Variants in CCSER1 observed in about 807,000 individuals in gnomAD.
CCSER1 encodes coiled-coil serine rich protein 1.
In CCSER1, 41 loss-of-function variants were observed where a neutral mutation model predicts 82.0. The ratio of observed to expected loss-of-function variants is 0.50; its 90% CI spans 0.39 to 0.65. CCSER1 has a LOEUF of 0.65. Ranked by LOEUF, CCSER1 falls within the 30% of genes least tolerant of loss-of-function variation. The probability of loss-of-function intolerance (pLI) is 0.00; values close to 1 mark genes in which losing one functional copy is unlikely to be tolerated. For missense variants in CCSER1, 1,119 were observed against 1,064.2 expected (o/e 1.05, Z -0.72); for synonymous variants, 414 against 383.9 (o/e 1.08, Z -0.92).
chr4:90,577,178 G>A (rs751361571), intron 5 of CCSER1, among the ~76,000 whole-genome samples: 22 of 152,062 alleles, frequency 1.4e-4, no homozygotes, highest in Non-Finnish European at 2.6e-4. Context: ...TTTTGTTGAC[G>A]TATCTGTTTA....
At chr4:91,479,412 ATAATAT>A (rs1486987889) in intron 10 of CCSER1, among the ~76,000 whole-genome samples, 2 of 151,820 alleles carry the variant, frequency 1.3e-5, no homozygotes. Flanking sequence ...CATTTTGAAA[ATAATAT>A]TAATGAAAAA....
chr4:91,514,025 C>A (rs993602943), intron 10 of CCSER1, among the ~76,000 whole-genome samples: 1 of 151,808 alleles, frequency 6.6e-6, no homozygotes, highest in Non-Finnish European at 1.5e-5. Context: ...TCTTGTTTTT[C>A]CATTTCCTCT....
At chr4:91,222,459 A>G (rs1037715625) in intron 10 of CCSER1, among the ~76,000 whole-genome samples, 12 of 152,206 alleles carry the variant, frequency 7.9e-5, no homozygotes, top group African/African-American at 2.7e-4. Flanking sequence ...TTAGTATTCT[A>G]TAAGAACTTA....
intron 6 of CCSER1, among the ~76,000 whole-genome samples, chr4:90,702,069 C>T (rs538677228): frequency 4.1e-4 from 63 of 152,114 alleles, no homozygotes; most frequent in Non-Finnish European, 7.2e-4. Flanking sequence ...AAAGGGAATG[C>T]TTCCAGTTTT....
intron 10 of CCSER1, among the ~76,000 whole-genome samples, chr4:91,150,497 C>A (rs916297322): frequency 3.3e-5 from 5 of 152,132 alleles, no homozygotes; most frequent in Non-Finnish European, 7.3e-5. Context: ...ATTGCCCTGG[C>A]TAGAACATCC....
At chr4:91,132,305 CA>C (rs753310978) in intron 10 of CCSER1, among the ~76,000 whole-genome samples, 5 of 152,000 alleles carry the variant, frequency 3.3e-5, no homozygotes, top group Non-Finnish European at 5.9e-5. Context: ...AAAACCCATA[CA>C]AGTATAAGAT....
At chr4:90,850,162 G>A (rs115451640) in intron 8 of CCSER1, among the ~76,000 whole-genome samples, 8,318 of 152,282 alleles carry the variant, frequency 0.055, 310 homozygotes, top group Middle Eastern at 0.088. Flanking sequence ...GGGTGTACAG[G>A]AGTCAAGAAT....
chr4:90,964,440 G>C (rs1419394605), intron 9 of CCSER1, among the ~76,000 whole-genome samples: 1 of 151,950 alleles, frequency 6.6e-6, no homozygotes, highest in Non-Finnish European at 1.5e-5. Context: ...AAAGCAACAA[G>C]GATAGGCCAG....
At chr4:91,302,290 G>A (rs1185780086) in intron 10 of CCSER1, among the ~76,000 whole-genome samples, 1 of 151,980 alleles carries the variant, frequency 6.6e-6, no homozygotes, top group Non-Finnish European at 1.5e-5. Context: ...TTCACGCCAA[G>A]AGATCTAGGA....
In CCSER1 at chr4:91,552,872, T is replaced by C. The variant is rs1029298469; in HGVS notation, c.2218-45700T>C. 6.5e-4 allele frequency among the ~76,000 whole-genome samples: 99 copies of C among 151,662 alleles called. 2 individuals are homozygous for C. Among genetic ancestry groups the C allele is most frequent in the Admixed American group, 5.3e-4 (8 of 15,194 alleles). ...TATTTGGAGGTCTTTAATTTCTTTT[T>C]CTTGCTTAATTGCTCTACATAGGAT... On this transcript the variant is annotated intron_variant, in intron 10 of 10. Transcript: ENST00000509176.
chr4:91,394,239 GGTA>G, intron 10 of CCSER1, among the ~76,000 whole-genome samples: 1 of 151,982 alleles, frequency 6.6e-6, no homozygotes, highest in Admixed American at 6.6e-5. Context: ...AAATTGAAAA[GGTA>G]GTAAAAAATT....
At chr4:90,671,228 G>A (rs1364116351) in intron 6 of CCSER1, among the ~76,000 whole-genome samples, 3 of 151,926 alleles carry the variant, frequency 2.0e-5, no homozygotes, top group Admixed American at 2.0e-4. Context: ...GGATAATGAA[G>A]TGTGCCACAT....
At chr4:90,652,184 G>A (rs1728878743) in intron 6 of CCSER1, among the ~76,000 whole-genome samples, 1 of 151,826 alleles carries the variant, frequency 6.6e-6, no homozygotes, top group Non-Finnish European at 1.5e-5. Flanking sequence ...TAAAATTGTA[G>A]GTGTATAAAC....
intron 7 of CCSER1, among the ~76,000 whole-genome samples, chr4:90,771,562 C>G (rs1433489465): frequency 2.1e-5 from 2 of 95,090 alleles, no homozygotes; most frequent in African/African-American, 1.1e-4. Context: ...AAATGCCGGG[C>G]ACTAAAAAAA....
chr4:91,043,860 T>A (rs1037442525), intron 9 of CCSER1, among the ~76,000 whole-genome samples: 1 of 152,168 alleles, frequency 6.6e-6, no homozygotes, highest in Non-Finnish European at 1.5e-5. Context: ...AGTGCTGGGA[T>A]GACAGTCGTG....
At chr4:91,093,164 G>C (rs546784875) in intron 10 of CCSER1, among the ~76,000 whole-genome samples, 1 of 152,298 alleles carries the variant, frequency 6.6e-6, no homozygotes, top group African/African-American at 2.4e-5. Context: ...CTGAGGCAAT[G>C]GTTTGGCTTC....
At chr4:90,856,667 C>T (rs1440487824) in intron 8 of CCSER1, among the ~76,000 whole-genome samples, 1 of 152,084 alleles carries the variant, frequency 6.6e-6, no homozygotes, top group Non-Finnish European at 1.5e-5. Flanking sequence ...CCATTTATAA[C>T]TCATAACTCA....
intron 10 of CCSER1, among the ~76,000 whole-genome samples, chr4:91,195,631 C>A (rs1180797488): frequency 6.6e-6 from 1 of 152,088 alleles, no homozygotes; most frequent in Admixed American, 6.5e-5. Flanking sequence ...ATGTGCCCTG[C>A]TACTCAAGAT....
At chr4:91,403,731 A>G (rs1476187068) in intron 10 of CCSER1, among the ~76,000 whole-genome samples, 3 of 152,120 alleles carry the variant, frequency 2.0e-5, no homozygotes, top group African/African-American at 7.2e-5. Context: ...AGCCTTGCAT[A>G]TCAGGGAAGA....
Sources: allele counts gnomAD v4.1 joint callset (sites outside exome capture counted in the v4.1 genomes callset), GRCh38; gene constraint gnomAD v4.1.1; transcripts MANE v1.5; gene names NCBI Gene and HGNC (gene_info 2026-07-23, HGNC 2026-07-21).